The following DNAJC10 variants were observed in gnomAD, a reference collection of about 807,000 sequenced individuals.
The protein encoded by DNAJC10 is endoplasmic reticulum disulfide reductase DNAJC10.
DNAJC10 carries 101 observed loss-of-function variants against 115.0 expected under a neutral mutation model. That is an observed-to-expected ratio of 0.88 (90% CI 0.75 to 1.04). DNAJC10 has a LOEUF of 1.04. Among genes scored for constraint, DNAJC10 ranks in the 50% least tolerant of loss-of-function variants. DNAJC10 has a pLI of 0.00. For synonymous variants in DNAJC10, 307 were observed against 301.5 expected (o/e 1.02, Z -0.19); for missense variants, 981 against 928.8 (o/e 1.06, Z -0.73).
At chr2:182,723,810 G>C (rs1001014638) in intron 5 of DNAJC10, among the ~76,000 whole-genome samples, 1 of 152,162 alleles carries the variant, frequency 6.6e-6, no homozygotes, top group African/African-American at 2.4e-5. Flanking sequence ...ATGCAGAAAA[G>C]CTTAAGAACT....
At chr2:182,755,138 T>G (rs1694125085) in intron 17 of DNAJC10, 34 bp downstream of exon 17, 1 of 1,360,364 alleles carries the variant, frequency 7.4e-7, no homozygotes, top group Non-Finnish European at 1.1e-6. Flanking sequence ...GACTAGAAAT[T>G]TGTCTGTTTC....
In DNAJC10 at chr2:182,789,556, T is replaced by TTA. The variant is rs1049715892; in HGVS notation, c.*12431_*12432dup. 99 of 152,356 alleles carry TTA rather than the reference T, an allele frequency of 6.5e-4. 1 individual carries two copies. Among genetic ancestry groups the TTA allele is most frequent in the African/African-American group, 2.3e-3 (97 of 41,590 alleles). The allele number at this position is 152,356 out of a possible 1,614,324, so 9.4% of individuals were successfully genotyped here. A position where few individuals can be genotyped will look rare whatever the true frequency, so the allele number is the denominator to read the frequency against. ...CTTTTTAAGGCTGAATAATATTCAA[T>TTA]TATATATACATTCTACATTTTGTTA... On this transcript the variant is annotated 3_prime_UTR_variant, in exon 24 of 24. Coordinates refer to ENST00000264065, the MANE Select transcript of DNAJC10 (RefSeq NM_018981.4).
chr2:182,787,582 T>G lies in DNAJC10; in HGVS notation c.*10450T>G, dbSNP rs1694971250. On this transcript the variant is annotated 3_prime_UTR_variant, in exon 24 of 24. Coordinates refer to ENST00000264065, the MANE Select transcript of DNAJC10 (RefSeq NM_018981.4). ...AACCAACTGAACAAATCGAAGACAT[T>G]TAATTTAGTCAAAATAGGCATGGGA... is the stretch of plus-strand genomic sequence containing the variant. 6.6e-6 allele frequency: 1 copy of G among 152,162 alleles called. No homozygotes were observed. Among genetic ancestry groups the G allele is most frequent in the South Asian group, 2.1e-4 (1 of 4,822 alleles). The allele number at this position is 152,162 out of a possible 1,614,324, so 9.4% of individuals were successfully genotyped here.
intron 22 of DNAJC10, among the ~76,000 whole-genome samples, chr2:182,771,443 A>C (rs1694561223): frequency 6.6e-6 from 1 of 152,164 alleles, no homozygotes; most frequent in Non-Finnish European, 1.5e-5. Context: ...TTCAGCTGTG[A>C]ATCCTTCTGG....
intron 14 of DNAJC10, among the ~76,000 whole-genome samples, chr2:182,744,705 G>A (rs1227291777): frequency 6.6e-6 from 1 of 152,014 alleles, no homozygotes; most frequent in Non-Finnish European, 1.5e-5. Flanking sequence ...ACAGCCCAGT[G>A]AAGGAGAAAA....
In DNAJC10 at chr2:182,759,208, A is replaced by C. The variant is rs775951613; in HGVS notation, c.2046A>C (p.Glu682Asp). ...STDLTPQTFS[E>D]KVLQGKNHWV... ...ATCTAACACCTCAGACTTTCAGTGA[A>C]AAAGTTCTACAAGGGAAAAATCATT... The change falls in exon 21 of 24, where the codon GAA (glutamate) becomes GAC (aspartate). Residue 682 changes from glutamate (E) to aspartate (D), a missense_variant. Coordinates refer to ENST00000264065, the MANE Select transcript of DNAJC10 (RefSeq NM_018981.4). The C allele has an allele frequency of 7.5e-6, 12 of 1,608,266 alleles. No individual in the cohort carries two copies. The Admixed American group carries it at 1.7e-4, about 23-fold the overall frequency.
At chr2:182,757,899 A>C in intron 19 of DNAJC10, 74 bp downstream of exon 19, 1 of 889,652 alleles carries the variant, frequency 1.1e-6, no homozygotes, top group Non-Finnish European at 1.6e-6. Flanking sequence ...AGTTACCTGA[A>C]CAAAATAAAA....
intron 5 of DNAJC10, among the ~76,000 whole-genome samples, chr2:182,722,843 C>T (rs190703186): frequency 2.2e-3 from 335 of 151,790 alleles, no homozygotes; most frequent in Non-Finnish European, 4.2e-3. Context: ...GGGAGGCTGA[C>T]GCACAAGAAT....
intron 22 of DNAJC10, among the ~76,000 whole-genome samples, chr2:182,773,996 G>T (rs1321980066): frequency 2.6e-5 from 4 of 152,192 alleles, no homozygotes; most frequent in Admixed American, 2.6e-4. Context: ...TGATGTTGGT[G>T]ACCTACAGAT....
At chr2:182,774,766 G>A (rs1025692250) in intron 22 of DNAJC10, among the ~76,000 whole-genome samples, 2 of 152,208 alleles carry the variant, frequency 1.3e-5, no homozygotes, top group Non-Finnish European at 2.9e-5. Flanking sequence ...GGTTTCCCTT[G>A]GCTAGGAAAG....
At chr2:182,719,796 TA>T (rs1214800454) in intron 3 of DNAJC10, among the ~76,000 whole-genome samples, 16 of 120,728 alleles carry the variant, frequency 1.3e-4, no homozygotes, top group African/African-American at 4.9e-4. Flanking sequence ...TTACTTTTCT[TA>T]CTTTTTTTTT....
intron 13 of DNAJC10, among the ~76,000 whole-genome samples, chr2:182,742,852 CT>C (rs767531358): frequency 1.8e-4 from 26 of 143,542 alleles, no homozygotes; most frequent in African/African-American, 6.2e-4. Flanking sequence ...GTTTTTTTTT[CT>C]TTTTTTTTAA....
At chr2:182,754,733 C>T in intron 16 of DNAJC10, 1 of 1,147,734 alleles carries the variant, frequency 8.7e-7, no homozygotes, top group Non-Finnish European at 1.1e-6. Flanking sequence ...CGTATAATTA[C>T]CCATGCCGAT....
chr2:182,754,849 G>A (rs972751184), intron 16 of DNAJC10, 154 bp from the exon 17 acceptor site: 7 of 1,366,958 alleles, frequency 5.1e-6, no homozygotes, highest in Non-Finnish European at 5.8e-6. Context: ...TAAGTCCTTT[G>A]CTAAATTTGG....
intron 14 of DNAJC10, among the ~76,000 whole-genome samples, chr2:182,744,997 G>A (rs775522676): frequency 7.2e-5 from 11 of 151,998 alleles, no homozygotes; most frequent in Non-Finnish European, 1.2e-4. Flanking sequence ...TTATCCTCTG[G>A]GAGGATTGCT....
chr2:182,730,782 G>A (rs1693424549), intron 8 of DNAJC10, among the ~76,000 whole-genome samples: 1 of 151,968 alleles, frequency 6.6e-6, no homozygotes, highest in East Asian at 1.9e-4. Flanking sequence ...AAGTCACAGG[G>A]GCCTAACTTG....
chr2:182,775,241 T>G, intron 22 of DNAJC10, 75 bp from the exon 23 acceptor site: 1 of 931,844 alleles, frequency 1.1e-6, no homozygotes, highest in Non-Finnish European at 1.6e-6. Context: ...GAAAGCATAT[T>G]TAATCAAGTT....
intron 9 of DNAJC10, 35 bp downstream of exon 9, chr2:182,731,142 C>G (rs1360693048): frequency 1.3e-6 from 2 of 1,506,828 alleles, no homozygotes; most frequent in Non-Finnish European, 1.8e-6. Flanking sequence ...GGAATGAGAA[C>G]ATGACATTTA....
At chr2:182,729,761 T>A in intron 7 of DNAJC10, 87 bp from the exon 8 acceptor site, 1 of 792,230 alleles carries the variant, frequency 1.3e-6, no homozygotes, top group Non-Finnish European at 2.0e-6. Flanking sequence ...TTCAAGATAA[T>A]GTAAAAATCA....
Sources: allele counts gnomAD v4.1 joint callset (sites outside exome capture counted in the v4.1 genomes callset), GRCh38; gene constraint gnomAD v4.1.1; transcripts MANE v1.5; gene names NCBI Gene and HGNC (gene_info 2026-07-23, HGNC 2026-07-21).